The following CTIF variants were observed in gnomAD, a reference collection of about 807,000 sequenced individuals.
CTIF encodes CBP80/20-dependent translation initiation factor.
A neutral mutation model predicts 66.0 loss-of-function variants in CTIF; 21 were observed. That is an observed-to-expected ratio of 0.32 (90% CI 0.23 to 0.46). The LOEUF (loss-of-function observed/expected upper bound fraction) is 0.46. Ranked by LOEUF, CTIF falls within the 20% of genes least tolerant of loss-of-function variation. The pLI is 1.00. For synonymous variants in CTIF, 345 were observed against 326.4 expected (o/e 1.06, Z -0.62); for missense variants, 739 against 812.7 (o/e 0.91, Z 1.10).
At chr18:48,841,662 G>A (rs907987072) in intron 10 of CTIF, among the ~76,000 whole-genome samples, 2 of 145,710 alleles carry the variant, frequency 1.4e-5, no homozygotes, top group Non-Finnish European at 3.0e-5. Context: ...TGGCTCGGGG[G>A]CCAGGCTGGT....
intron 10 of CTIF, among the ~76,000 whole-genome samples, chr18:48,845,241 A>G (rs1340169661): frequency 6.6e-6 from 1 of 152,196 alleles, no homozygotes; most frequent in Non-Finnish European, 1.5e-5. Flanking sequence ...TTCTGTCTGC[A>G]CTTCTGGACC....
intron 7 of CTIF, among the ~76,000 whole-genome samples, chr18:48,730,688 A>G (rs374915671): frequency 0.18 from 8,148 of 45,364 alleles, 1,918 homozygotes; most frequent in East Asian, 0.52. Context: ...CGGTGTGAGG[A>G]GCCCCTGAGG....
chr18:48,635,264 AC>A, intron 2 of CTIF, among the ~76,000 whole-genome samples: 1 of 151,510 alleles, frequency 6.6e-6, no homozygotes, highest in Non-Finnish European at 1.5e-5. Context: ...ATGTCATCAA[AC>A]ATACAGAGAC....
chr18:48,553,605 T>C (rs2088942667), intron 1 of CTIF, among the ~76,000 whole-genome samples: 1 of 152,144 alleles, frequency 6.6e-6, no homozygotes, highest in Non-Finnish European at 1.5e-5. Flanking sequence ...GTATCTGTCG[T>C]AGATTTTAGA....
intron 1 of CTIF, among the ~76,000 whole-genome samples, chr18:48,602,628 G>A (rs1274848851): frequency 3.9e-5 from 6 of 152,160 alleles, no homozygotes; most frequent in Non-Finnish European, 7.4e-5. Context: ...CAAAAATAAC[G>A]TTTTTGGTGT....
At chr18:48,682,072 C>T (rs1371585021) in intron 6 of CTIF, among the ~76,000 whole-genome samples, 1 of 152,152 alleles carries the variant, frequency 6.6e-6, no homozygotes, top group Non-Finnish European at 1.5e-5. Context: ...AGGTGTGAGC[C>T]ACCGTGCCCA....
At chr18:48,624,399 C>T (rs531841339) in intron 2 of CTIF, among the ~76,000 whole-genome samples, 12 of 152,124 alleles carry the variant, frequency 7.9e-5, no homozygotes, top group Non-Finnish European at 1.8e-4. Flanking sequence ...TTTCCTGCTC[C>T]GTACAGGCCA....
At chr18:48,834,952 C>CG (rs1198480228) in intron 10 of CTIF, among the ~76,000 whole-genome samples, 1 of 152,202 alleles carries the variant, frequency 6.6e-6, no homozygotes, top group Non-Finnish European at 1.5e-5. Context: ...CTCCAACCTG[C>CG]GCTTTAGAGG....
intron 1 of CTIF, among the ~76,000 whole-genome samples, chr18:48,575,886 G>A (rs1347755519): frequency 1.3e-5 from 2 of 152,128 alleles, no homozygotes; most frequent in African/African-American, 2.4e-5. Context: ...TTGCCTGGAC[G>A]AAGGCCTAGT....
intron 2 of CTIF, among the ~76,000 whole-genome samples, chr18:48,626,322 A>C (rs969402406): frequency 2.0e-5 from 3 of 150,112 alleles, no homozygotes; most frequent in Non-Finnish European, 4.4e-5. Flanking sequence ...ATTTCTAATG[A>C]AATTGAATTA....
chr18:48,572,120 T>TCTCCTTC (rs1391204962), intron 1 of CTIF, among the ~76,000 whole-genome samples: 2 of 151,598 alleles, frequency 1.3e-5, no homozygotes, highest in Non-Finnish European at 2.9e-5. Flanking sequence ...CTCCCTCCTT[T>TCTCCTTC]CTCCTTCCTC....
intron 6 of CTIF, 104 bp downstream of exon 6, chr18:48,670,848 C>A: frequency 1.0e-6 from 1 of 991,254 alleles, no homozygotes; most frequent in African/African-American, 1.6e-5. Context: ...GCTGCTTGTT[C>A]CAGCAAGGAG....
intron 9 of CTIF, among the ~76,000 whole-genome samples, chr18:48,776,671 A>G (rs2146012585): frequency 6.6e-6 from 1 of 152,300 alleles, no homozygotes; most frequent in East Asian, 1.9e-4. Context: ...AGCCTGTGGC[A>G]CCTCTGTCTG....
intron 1 of CTIF, among the ~76,000 whole-genome samples, chr18:48,552,831 C>G (rs2088916636): frequency 6.6e-6 from 1 of 152,188 alleles, no homozygotes; most frequent in Non-Finnish European, 1.5e-5. Context: ...CCTGTAGTCC[C>G]CTGATGTTCT....
chr18:48,862,116 G>A lies in CTIF; in HGVS notation c.*2557G>A, dbSNP rs187993934. 6.6e-6 allele frequency: 1 copy of A among 152,176 alleles called. No individual in the cohort carries two copies. The highest frequency in any genetic ancestry group is 1.9e-4 in the East Asian group (1 of 5,174). 9.4% of individuals were successfully genotyped at this position (152,176 alleles called of 1,614,324 possible). ...GAGACCCCGAGGCAGCTTCCCGAGGGAGACTGCTCAGACAGGAACTGCAGG... is the reference window on the plus strand; with the variant it reads ...GAGACCCCGAGGCAGCTTCCCGAGGAAGACTGCTCAGACAGGAACTGCAGG... On this transcript the variant is annotated 3_prime_UTR_variant, in exon 12 of 12. Coordinates refer to ENST00000256413, the MANE Select transcript of CTIF (RefSeq NM_014772.3).
At chr18:48,728,755 A>G (rs530688513) in intron 7 of CTIF, among the ~76,000 whole-genome samples, 1 of 151,930 alleles carries the variant, frequency 6.6e-6, no homozygotes, top group East Asian at 1.9e-4. Context: ...AGAGAGAGAG[A>G]GAGAGAGAAG....
chr18:48,664,418 T>G, intron 4 of CTIF, 29 bp from the exon 5 acceptor site: 1 of 1,591,458 alleles, frequency 6.3e-7, no homozygotes, highest in Non-Finnish European at 8.6e-7. Flanking sequence ...CCCTCTTGCC[T>G]CCGTTTCTCA....
chr18:48,702,482 C>A (rs930054350), intron 6 of CTIF, among the ~76,000 whole-genome samples: 4 of 152,174 alleles, frequency 2.6e-5, no homozygotes, highest in Admixed American at 2.6e-4. Context: ...GTGTAGCTAG[C>A]CTCTGGGATA....
At chr18:48,751,128 G>T (rs1202298501) in intron 7 of CTIF, among the ~76,000 whole-genome samples, 1 of 152,164 alleles carries the variant, frequency 6.6e-6, no homozygotes, top group Non-Finnish European at 1.5e-5. Context: ...CCATTCTTCT[G>T]CATCCCTGTG....
Sources: allele counts gnomAD v4.1 joint callset (sites outside exome capture counted in the v4.1 genomes callset), GRCh38; gene constraint gnomAD v4.1.1; transcripts MANE v1.5; gene names NCBI Gene and HGNC (gene_info 2026-07-23, HGNC 2026-07-21).